LGMN: variants seen among roughly 807,000 people sequenced by gnomAD.
The protein encoded by LGMN is legumain.
Under a neutral mutation model 56.8 loss-of-function variants are expected in LGMN, and 36 were observed. That is an observed-to-expected ratio of 0.63 (90% CI 0.49 to 0.84). The LOEUF is 0.84. LGMN is among the 40% of genes least tolerant of loss of function. LGMN has a pLI of 0.00. For missense variants in LGMN, 446 were observed against 556.1 expected, an observed-to-expected ratio of 0.80 and a Z score of 1.99; for synonymous variants, 199 against 210.1, an observed-to-expected ratio of 0.95 and a Z score of 0.46.
In LGMN at chr14:92,717,453, G is replaced by A. The variant is rs554526546; in HGVS notation, c.245C>T (p.Thr82Ile). The stretch of plus-strand genomic sequence containing the variant: ...GGGCCTGTTGATCACAATTCCTGGA[G>A]TGGGATTGCTGAAAATTAAAGGACA... ...DDIAYSEDNP[T>I]PGIVINRPNG... The change falls in exon 4 of 14, where the codon ACT (threonine) becomes ATT (isoleucine). Residue 82 changes from threonine to isoleucine, a missense_variant. Transcript: ENST00000334869. The A allele has an allele frequency of 6.2e-7, 1 of 1,612,452 alleles. No homozygotes were observed. Among genetic ancestry groups the A allele is most frequent in the African/African-American group, 1.3e-5 (1 of 75,032 alleles).
chr14:92,746,437 T>A (rs765380581), intron 1 of LGMN, among the ~76,000 whole-genome samples: 1 of 152,198 alleles, frequency 6.6e-6, no homozygotes, highest in Non-Finnish European at 1.5e-5. Context: ...CAGAGTTTAC[T>A]TCTACATATT....
At chr14:92,704,835 T>A (rs1889345299) in intron 12 of LGMN, 128 bp from the exon 13 acceptor site, 2 of 738,260 alleles carry the variant, frequency 2.7e-6, no homozygotes, top group Non-Finnish European at 5.0e-6. Flanking sequence ...ATGGATCCTT[T>A]CCCAACCTTT....
At chr14:92,728,720 G>T (rs1248418867) in intron 2 of LGMN, among the ~76,000 whole-genome samples, 1 of 152,204 alleles carries the variant, frequency 6.6e-6, no homozygotes, top group Non-Finnish European at 1.5e-5. Flanking sequence ...CATGCCACAT[G>T]ACTAGAGTAG....
intron 1 of LGMN, among the ~76,000 whole-genome samples, chr14:92,735,245 G>T (rs962757025): frequency 6.6e-6 from 1 of 151,964 alleles, no homozygotes; most frequent in Non-Finnish European, 1.5e-5. Context: ...CTTGCTCTGT[G>T]GCTCAGGCTG....
chr14:92,730,198 C>T (rs763293410), intron 2 of LGMN, among the ~76,000 whole-genome samples: 36 of 152,028 alleles, frequency 2.4e-4, no homozygotes, highest in African/African-American at 4.3e-4. Context: ...CAGCTGTGTG[C>T]GCGGGCTGCT....
chr14:92,732,833 G>T lies in LGMN; in HGVS notation c.-29-18C>A. 1 of 1,600,686 alleles carries T rather than the reference G, an allele frequency of 6.2e-7. No homozygotes were observed. The highest frequency in any genetic ancestry group is 8.5e-7 in the Non-Finnish European group (1 of 1,172,958). ...GCAGACACCTGAGAAGGGAAACACA[G>T]AGTCAAGTACAAAGCAACAAGAACT... is the stretch of plus-strand genomic sequence containing the variant. On this transcript the variant is annotated intron_variant, in intron 1 of 13. Transcript: ENST00000334869.
chr14:92,731,289 A>G (rs1891038841), intron 2 of LGMN, among the ~76,000 whole-genome samples: 3 of 152,240 alleles, frequency 2.0e-5, no homozygotes, highest in Non-Finnish European at 4.4e-5. Context: ...CTTTTTAAAA[A>G]AATAACAGCT....
Position 92,707,190 on chromosome 14 carries a change from C to G in LGMN, c.1021-537G>C, listed in dbSNP as rs1318615130. Among the ~76,000 whole-genome samples, 3 of 151,784 alleles carry G rather than the reference C, an allele frequency of 2.0e-5. No homozygotes were observed. The East Asian group carries it at 5.8e-4, about 29-fold the overall frequency. On this transcript the variant is annotated intron_variant, in intron 11 of 13. Transcript: ENST00000334869. ...GAGGATCACTTGAGGCCAGCAGTTC[C>G]AGACCGGCCTGGGCAACACAGGAAG...
chr14:92,730,613 C>T (rs1891003124), intron 2 of LGMN, among the ~76,000 whole-genome samples: 1 of 151,988 alleles, frequency 6.6e-6, no homozygotes, highest in Admixed American at 6.6e-5. Context: ...ATATTGATTA[C>T]ATGTTGAAAT....
chr14:92,729,052 G>A (rs963662823), intron 2 of LGMN, among the ~76,000 whole-genome samples: 5 of 151,872 alleles, frequency 3.3e-5, no homozygotes, highest in African/African-American at 7.3e-5. Flanking sequence ...TGACTCACAC[G>A]TGCTCAGCAG....
At chr14:92,725,855 G>A (rs920607308) in intron 2 of LGMN, among the ~76,000 whole-genome samples, 5 of 152,070 alleles carry the variant, frequency 3.3e-5, no homozygotes, top group South Asian at 2.1e-4. Flanking sequence ...AATTACAGGT[G>A]TGAGCCACCA....
chr14:92,717,198 T>C (rs879251551), intron 4 of LGMN, among the ~76,000 whole-genome samples, 182 bp downstream of exon 4: 2 of 152,228 alleles, frequency 1.3e-5, no homozygotes, highest in South Asian at 4.1e-4. Context: ...CATTCTCTTT[T>C]CCTCTGCTTT....
chr14:92,730,655 G>A (rs985618691), intron 2 of LGMN, among the ~76,000 whole-genome samples: 1 of 152,088 alleles, frequency 6.6e-6, no homozygotes, highest in Admixed American at 6.6e-5. Context: ...GTTTAAAGAA[G>A]ATATTAAGGC....
chr14:92,718,554 A>G (rs768384687), intron 3 of LGMN, among the ~76,000 whole-genome samples, 193 bp downstream of exon 3: 3 of 152,070 alleles, frequency 2.0e-5, no homozygotes, highest in African/African-American at 4.8e-5. Context: ...AGCCTGGGCA[A>G]CAGAGCAAGA....
In LGMN at chr14:92,732,694, C is replaced by T. The variant is rs150780250; in HGVS notation, c.93G>A (p.Val31=). 1.4e-5 allele frequency: 22 copies of T among 1,614,076 alleles called. No homozygotes were observed. Among genetic ancestry groups the T allele is most frequent in the Non-Finnish European group, 1.9e-5 (22 of 1,180,040 alleles). The part of the protein sequence containing the change: ...DDPEDGGKHW[V]VIVAGSNGWY... ...AGCCATTTGAACCTGCCACGATCAC[C>T]ACCCAGTGCTTGCCTCCATCTTCAG... Residue 31 remains valine (V), a synonymous_variant, in exon 2 of 14, where the codon GTG becomes GTA. Transcript: ENST00000334869.
intron 1 of LGMN, among the ~76,000 whole-genome samples, chr14:92,745,113 G>A (rs556649411): frequency 6.6e-6 from 1 of 152,254 alleles, no homozygotes; most frequent in East Asian, 1.9e-4. Context: ...GCCTGGGCAA[G>A]ATAGTGAGAC....
At chr14:92,739,629 C>T (rs180901109) in intron 1 of LGMN, among the ~76,000 whole-genome samples, 340 of 152,178 alleles carry the variant, frequency 2.2e-3, no homozygotes, top group Non-Finnish European at 3.7e-3. Context: ...CAGTGATGGA[C>T]AAAAATAAGG....
At chr14:92,723,567 C>T (rs539448353) in intron 2 of LGMN, among the ~76,000 whole-genome samples, 2 of 152,126 alleles carry the variant, frequency 1.3e-5, no homozygotes, top group Non-Finnish European at 1.5e-5. Flanking sequence ...CATGCTACAA[C>T]GTGAACAAAC....
Position 92,716,864 on chromosome 14 carries a change from A to T in LGMN, c.318+516T>A, listed in dbSNP as rs1200789083. Among the ~76,000 whole-genome samples, 3 of 152,188 alleles carry T rather than the reference A, an allele frequency of 2.0e-5. No individual in the cohort carries two copies. In the East Asian group the frequency reaches 5.8e-4, roughly 29 times the overall value. On this transcript the variant is annotated intron_variant, in intron 4 of 13. Coordinates refer to ENST00000334869, the MANE Select transcript of LGMN (RefSeq NM_005606.7). The stretch of plus-strand genomic sequence containing the variant: ...CAGGTGAATGAAGGCATCACGGTCG[A>T]TTTTAAAAATGTGTCAATTGAGACA...
Sources: allele counts gnomAD v4.1 joint callset (sites outside exome capture counted in the v4.1 genomes callset), GRCh38; gene constraint gnomAD v4.1.1; transcripts MANE v1.5; gene names NCBI Gene and HGNC (gene_info 2026-07-23, HGNC 2026-07-21).